ADAMTS2: variants seen among roughly 807,000 people sequenced by gnomAD.
ADAMTS2 encodes the protein A disintegrin and metalloproteinase with thrombospondin motifs 2.
In ADAMTS2, 50 loss-of-function variants were observed where a neutral mutation model predicts 123.0. The ratio of observed to expected loss-of-function variants is 0.41; its 90% CI spans 0.32 to 0.51. The LOEUF (loss-of-function observed/expected upper bound fraction) is 0.51. ADAMTS2 is among the 20% of genes least tolerant of loss of function. ADAMTS2 has a pLI of 0.35. For synonymous variants in ADAMTS2, 678 were observed against 695.4 expected (o/e 0.98, Z 0.39); for missense variants, 1,494 against 1,705.2 (o/e 0.88, Z 2.18).
chr5:179,208,378 G>A (rs1764769566), intron 3 of ADAMTS2, among the ~76,000 whole-genome samples: 2 of 152,116 alleles, frequency 1.3e-5, no homozygotes, highest in Admixed American at 6.5e-5. Flanking sequence ...CCAGGTCCCG[G>A]GCCCCCTCCC....
chr5:179,299,955 G>A (rs967455763), intron 2 of ADAMTS2, among the ~76,000 whole-genome samples: 6 of 152,132 alleles, frequency 3.9e-5, no homozygotes, highest in Admixed American at 1.3e-4. Flanking sequence ...TTAGCCAGGC[G>A]TGGTGGCAGG....
chr5:179,204,356 T>C (rs1188712723), intron 4 of ADAMTS2, among the ~76,000 whole-genome samples: 1 of 152,236 alleles, frequency 6.6e-6, no homozygotes, highest in African/African-American at 2.4e-5. Context: ...TCTGTATATT[T>C]CACCGCAATT....
rs145654807 is a variant in ADAMTS2 at position 179,163,658 on chromosome 5, T to A, written c.976-4779A>T. Reference sequence around the variant, plus strand: ...CGATCACCTCTCTCCTCCCAGATGCTGGCTTCTGTGGTTCAGCCTGGGTTC... The same window carrying A: ...CGATCACCTCTCTCCTCCCAGATGCAGGCTTCTGTGGTTCAGCCTGGGTTC... On this transcript the variant is annotated intron_variant, in intron 5 of 21. Coordinates refer to ENST00000251582, the MANE Select transcript of ADAMTS2 (RefSeq NM_014244.5). Among the ~76,000 whole-genome samples, 65 of 152,332 alleles carry A rather than the reference T, an allele frequency of 4.3e-4. No individual in the cohort carries two copies. In the East Asian group the frequency reaches 0.01, roughly 24 times the overall value.
chr5:179,311,898 G>A lies in ADAMTS2; in HGVS notation c.534+31869C>T, dbSNP rs1002879708. Among the ~76,000 whole-genome samples the A allele has an allele frequency of 8.5e-5, 13 of 152,282 alleles. 1 individual carries two copies. Among genetic ancestry groups the A allele is most frequent in the Middle Eastern group, 3.4e-3 (1 of 294 alleles). ...GGTCCTGAATAAAGTCCGCCTTACC[G>A]CGCTTTAACAAGTATCATTGAATCA... On this transcript the variant is annotated intron_variant, in intron 2 of 21. Transcript: ENST00000251582.
intron 3 of ADAMTS2, among the ~76,000 whole-genome samples, chr5:179,268,939 C>A (rs1766448585): frequency 6.6e-6 from 1 of 152,254 alleles, no homozygotes; most frequent in Admixed American, 6.5e-5. Context: ...CTGATCCCTG[C>A]AACCTGAGAC....
At chr5:179,223,293 CA>C (rs1441015237) in intron 3 of ADAMTS2, among the ~76,000 whole-genome samples, 3 of 151,572 alleles carry the variant, frequency 2.0e-5, no homozygotes, top group African/African-American at 7.3e-5. Flanking sequence ...TACACACACA[CA>C]CGAACGCACT....
At chr5:179,184,509 T>TAAAAAAA (rs554713153) in intron 4 of ADAMTS2, among the ~76,000 whole-genome samples, 1 of 91,416 alleles carries the variant, frequency 1.1e-5, no homozygotes, top group African/African-American at 4.6e-5. Context: ...AGACTCTGTC[T>TAAAAAAA]AAAAAAAAAA....
At chr5:179,220,115 G>A (rs755802715) in intron 3 of ADAMTS2, among the ~76,000 whole-genome samples, 22 of 152,256 alleles carry the variant, frequency 1.4e-4, no homozygotes, top group Non-Finnish European at 2.2e-4. Context: ...GTAATGTCAC[G>A]GGGGCACCGC....
At chr5:179,137,702 G>GCGCC in intron 12 of ADAMTS2, 67 bp downstream of exon 12, 2 of 1,510,856 alleles carry the variant, frequency 1.3e-6, no homozygotes, top group Non-Finnish European at 8.9e-7. Context: ...AGAGGCACAA[G>GCGCC]CCCCCACCCT....
At chr5:179,336,667 G>T (rs1757621672) in intron 2 of ADAMTS2, among the ~76,000 whole-genome samples, 1 of 152,198 alleles carries the variant, frequency 6.6e-6, no homozygotes, top group Non-Finnish European at 1.5e-5. Flanking sequence ...TCACCCCCGG[G>T]CCTGGGGTAG....
rs989354864 is a variant in ADAMTS2, at chr5:179,189,657, A to G, written c.892-8502T>C. The stretch of plus-strand genomic sequence containing the variant: ...CAGGCGTGAGCCACCGCGCCCGGCC[A>G]GGAGCAATTTTTTGTGGGCTGGGGA... On this transcript the variant is annotated intron_variant, in intron 4 of 21. Transcript: ENST00000251582. This position sits in a 1 kb window ranked among gnomAD's most constrained non-coding sequence, Gnocchi z 4.2. Among the ~76,000 whole-genome samples the G allele has an allele frequency of 2.6e-5, 4 of 151,304 alleles. No homozygotes were observed. Among genetic ancestry groups the G allele is most frequent in the Admixed American group, 1.3e-4 (2 of 15,180 alleles).
At chr5:179,218,686 C>T (rs1765056758) in intron 3 of ADAMTS2, among the ~76,000 whole-genome samples, 1 of 152,194 alleles carries the variant, frequency 6.6e-6, no homozygotes, top group Admixed American at 6.5e-5. Context: ...AGGAGCGCAT[C>T]AGGAACCGCT....
intron 3 of ADAMTS2, among the ~76,000 whole-genome samples, chr5:179,239,306 G>GTTTC (rs979907195): frequency 6.6e-6 from 1 of 152,120 alleles, no homozygotes; most frequent in African/African-American, 2.4e-5. Flanking sequence ...TTCTCAACAG[G>GTTTC]TTTCTCATCA....
intron 10 of ADAMTS2, among the ~76,000 whole-genome samples, 159 bp downstream of exon 10, chr5:179,151,983 A>G (rs921451563): frequency 1.3e-5 from 2 of 152,136 alleles, no homozygotes; most frequent in Admixed American, 6.5e-5. Context: ...TCCGGCGTAC[A>G]GCGTGTGAGG....
chr5:179,191,159 G>A (rs1359503310), intron 4 of ADAMTS2, among the ~76,000 whole-genome samples: 1 of 152,222 alleles, frequency 6.6e-6, no homozygotes, highest in Non-Finnish European at 1.5e-5. Flanking sequence ...TGTCCCCCAG[G>A]GGCCTCTCGG....
At chr5:179,141,819 GC>G (rs1024066988) in intron 10 of ADAMTS2, among the ~76,000 whole-genome samples, 13 of 152,180 alleles carry the variant, frequency 8.5e-5, no homozygotes, top group Non-Finnish European at 4.4e-5. Flanking sequence ...GAGGCCTGGG[GC>G]CCCCTTCCCC....
intron 2 of ADAMTS2, among the ~76,000 whole-genome samples, chr5:179,310,488 A>G (rs1258551495): frequency 6.6e-6 from 1 of 152,160 alleles, no homozygotes; most frequent in Non-Finnish European, 1.5e-5. Flanking sequence ...ATTTCCAGGA[A>G]CAAGGAGAGG....
Position 179,132,682 on chromosome 5 carries a change from C to G in ADAMTS2, c.2209+95G>C. ...CCCCTCCCCAGAACAGTCATAAGCC[C>G]GGACAGCCCCAGGATGAGTCAGGCC... On this transcript the variant is annotated intron_variant, in intron 14 of 21. Coordinates refer to ENST00000251582, the MANE Select transcript of ADAMTS2 (RefSeq NM_014244.5). The surrounding 1 kb of genome is among the most constrained non-coding windows in gnomAD (Gnocchi z 6.1). The G allele has an allele frequency of 4.5e-6, 7 of 1,571,672 alleles. No individual in the cohort carries two copies. The highest frequency in any genetic ancestry group is 6.1e-6 in the Non-Finnish European group (7 of 1,144,478).
chr5:179,322,416 G>A (rs1183877445), intron 2 of ADAMTS2, among the ~76,000 whole-genome samples: 1 of 152,172 alleles, frequency 6.6e-6, no homozygotes, highest in Admixed American at 6.5e-5. Context: ...AGGGAGTGCA[G>A]GGTCCAGTTC....
Sources: allele counts gnomAD v4.1 joint callset (sites outside exome capture counted in the v4.1 genomes callset), GRCh38; gene constraint gnomAD v4.1.1; non-coding constraint Gnocchi (gnomAD v3.1); transcripts MANE v1.5; gene names NCBI Gene and HGNC (gene_info 2026-07-23, HGNC 2026-07-21).